Variants in LIN7A observed in about 807,000 individuals in gnomAD.
The protein encoded by LIN7A is protein lin-7 homolog A.
In LIN7A, 25 loss-of-function variants were observed where a neutral mutation model predicts 29.8. That is an observed-to-expected ratio of 0.84 (90% confidence interval 0.61 to 1.17). The LOEUF (loss-of-function observed/expected upper bound fraction) is 1.17, where lower values mean the gene tolerates loss of function less well. LIN7A is among the 50% of genes most tolerant of loss of function. The pLI is 0.00. For missense variants in LIN7A, 239 were observed against 287.0 expected (o/e 0.83, Z 1.21); for synonymous variants, 118 against 107.5 (o/e 1.10, Z -0.60).
chr12:80,837,365 A>G (rs1266813146), intron 4 of LIN7A, among the ~76,000 whole-genome samples: 1 of 152,170 alleles, frequency 6.6e-6, no homozygotes, highest in African/African-American at 2.4e-5. Flanking sequence ...ATTACCCTGC[A>G]TTATCTCAGT....
At chr12:80,871,651 CATTGAA>C (rs1267398887) in intron 2 of LIN7A, among the ~76,000 whole-genome samples, 3 of 151,796 alleles carry the variant, frequency 2.0e-5, no homozygotes, top group Admixed American at 2.0e-4. Context: ...GAATATTTGG[CATTGAA>C]TAAACAAAAC....
At chr12:80,854,736 A>T (rs1873512999) in intron 2 of LIN7A, among the ~76,000 whole-genome samples, 1 of 152,042 alleles carries the variant, frequency 6.6e-6, no homozygotes, top group African/African-American at 2.4e-5. Flanking sequence ...AAAAAGTAGA[A>T]CTATTACTGT....
chr12:80,803,165 T>C (rs1870801864), intron 5 of LIN7A, among the ~76,000 whole-genome samples: 1 of 152,252 alleles, frequency 6.6e-6, no homozygotes, highest in South Asian at 2.1e-4. Context: ...TTTTTACTTT[T>C]GTTGCCTGTG....
intron 2 of LIN7A, among the ~76,000 whole-genome samples, chr12:80,877,301 G>A (rs1220036969): frequency 2.6e-5 from 4 of 151,986 alleles, no homozygotes; most frequent in African/African-American, 9.7e-5. Context: ...AAGAGACAGT[G>A]ATTTTATAAA....
intron 4 of LIN7A, among the ~76,000 whole-genome samples, chr12:80,840,818 G>A (rs1460956494): frequency 6.6e-6 from 1 of 152,044 alleles, no homozygotes; most frequent in East Asian, 1.9e-4. Flanking sequence ...GGACTTTGGG[G>A]CCAACCATTC....
chr12:80,876,726 T>C (rs879800314), intron 2 of LIN7A, among the ~76,000 whole-genome samples: 9 of 152,222 alleles, frequency 5.9e-5, no homozygotes, highest in Admixed American at 1.3e-4. Context: ...ATGTCTCATA[T>C]ACAAGTGTTG....
intron 4 of LIN7A, among the ~76,000 whole-genome samples, chr12:80,818,090 A>C (rs1871621042): frequency 6.6e-6 from 1 of 152,164 alleles, no homozygotes; most frequent in Non-Finnish European, 1.5e-5. Context: ...TTTCCCAAAA[A>C]GATAACAGTG....
intron 2 of LIN7A, chr12:80,861,196 G>T (rs928213035): frequency 1.3e-5 from 2 of 152,324 alleles, no homozygotes; most frequent in Admixed American, 6.5e-5. Context: ...CACAGAAAAG[G>T]GTCAGGATCC....
intron 4 of LIN7A, among the ~76,000 whole-genome samples, chr12:80,841,347 GGAA>G (rs1872800356): frequency 6.6e-4 from 1 of 1,514 alleles, no homozygotes; most frequent in Non-Finnish European, 3.2e-3. Context: ...AGGGAGGGAA[GGAA>G]GGAAGGAAGG....
intron 2 of LIN7A, among the ~76,000 whole-genome samples, chr12:80,874,368 A>T (rs1874577770): frequency 6.6e-6 from 1 of 152,240 alleles, no homozygotes; most frequent in South Asian, 2.1e-4. Flanking sequence ...GTTTGGACTT[A>T]AAAATACTAA....
intron 4 of LIN7A, among the ~76,000 whole-genome samples, chr12:80,832,246 A>G (rs1481594331): frequency 6.6e-6 from 1 of 152,186 alleles, no homozygotes; most frequent in African/African-American, 2.4e-5. Context: ...AGATCAAAGT[A>G]AGCTCCCTTA....
At chr12:80,910,317 T>C (rs541523869) in intron 1 of LIN7A, among the ~76,000 whole-genome samples, 43 of 152,314 alleles carry the variant, frequency 2.8e-4, no homozygotes, top group African/African-American at 8.9e-4. Context: ...ACAATCATAT[T>C]GTTGGTGAAT....
chr12:80,868,589 A>AAAC (rs900767830), intron 2 of LIN7A, among the ~76,000 whole-genome samples: 9 of 152,232 alleles, frequency 5.9e-5, no homozygotes, highest in Middle Eastern at 6.8e-3. Flanking sequence ...TCAAACAAAC[A>AAAC]AACAACAACA....
chr12:80,848,323 C>T lies in LIN7A; in HGVS notation c.202-1G>A. On this transcript the variant is annotated splice_acceptor_variant, in intron 2 of 5. Transcript: ENST00000552864. LOFTEE classifies it high-confidence loss of function. ...TCGTTTCATGCATATATTGATACAC[C>T]TAAAATGTTCACATAAAAAGAAGAA... 3.1e-6 allele frequency: 5 copies of T among 1,598,646 alleles called. No individual in the cohort carries two copies. Among genetic ancestry groups the T allele is most frequent in the Non-Finnish European group, 4.3e-6 (5 of 1,166,338 alleles).
intron 1 of LIN7A, among the ~76,000 whole-genome samples, chr12:80,901,825 A>G (rs1425786535): frequency 6.6e-6 from 1 of 152,132 alleles, no homozygotes; most frequent in Non-Finnish European, 1.5e-5. Flanking sequence ...TATCATTACT[A>G]TATCATACTG....
chr12:80,807,080 T>TTTTTTTTTGTTGTTG (rs1555221378), intron 5 of LIN7A, among the ~76,000 whole-genome samples: 1 of 134,686 alleles, frequency 7.4e-6, no homozygotes, highest in African/African-American at 2.8e-5. Context: ...TTTTTTTTTT[T>TTTTTTTTTGTTGTTG]TTTTTTTTTT....
At chr12:80,824,072 A>AT (rs1282883179) in intron 4 of LIN7A, among the ~76,000 whole-genome samples, 1 of 152,204 alleles carries the variant, frequency 6.6e-6, no homozygotes, top group Non-Finnish European at 1.5e-5. Context: ...AAGATAAATG[A>AT]AACAAGAAGC....
At chr12:80,879,948 TTA>T (rs1464022028) in intron 2 of LIN7A, among the ~76,000 whole-genome samples, 2 of 152,224 alleles carry the variant, frequency 1.3e-5, no homozygotes, top group Non-Finnish European at 2.9e-5. Flanking sequence ...TTTGGAAAGC[TTA>T]GTGTCAACAA....
intron 1 of LIN7A, among the ~76,000 whole-genome samples, chr12:80,890,477 C>T (rs1256783307): frequency 6.6e-6 from 1 of 152,132 alleles, no homozygotes; most frequent in African/African-American, 2.4e-5. Context: ...TACTCCCTTT[C>T]AAAGCTCGCA....
Sources: gnomAD v4.1 joint callset for allele counts (sites outside exome capture counted in the v4.1 genomes callset) on GRCh38, gnomAD v4.1.1 for gene constraint, MANE v1.5 for transcripts, NCBI Gene and HGNC (gene_info 2026-07-23, HGNC 2026-07-21) for gene names.